KIAA1217: variants seen among roughly 807,000 people sequenced by gnomAD.
KIAA1217 encodes sickle tail protein homolog.
A neutral mutation model predicts 163.9 loss-of-function variants in KIAA1217; 88 were observed. The observed-to-expected ratio is 0.54, with a 90% CI of 0.45 to 0.64. The LOEUF is 0.64. Ranked by LOEUF, KIAA1217 falls within the 30% of genes least tolerant of loss-of-function variation. The pLI is 0.00. For missense variants in KIAA1217, 2,372 were observed against 2,475.0 expected (o/e 0.96, Z 0.88); for synonymous variants, 903 against 923.1 (o/e 0.98, Z 0.39).
intron 5 of KIAA1217, among the ~76,000 whole-genome samples, chr10:24,469,017 G>A (rs887241011): frequency 6.6e-6 from 1 of 152,086 alleles, no homozygotes; most frequent in African/African-American, 2.4e-5. Context: ...TCAAAGAAAT[G>A]TACTCAACTT....
chr10:24,418,306 C>T (rs2058436273), intron 3 of KIAA1217, among the ~76,000 whole-genome samples: 1 of 152,114 alleles, frequency 6.6e-6, no homozygotes, highest in South Asian at 2.1e-4. Context: ...CTGGAAATTC[C>T]TGGGATCCCG....
intron 2 of KIAA1217, among the ~76,000 whole-genome samples, chr10:24,242,697 C>T (rs2073250010): frequency 3.3e-5 from 5 of 152,156 alleles, no homozygotes; most frequent in Admixed American, 3.3e-4. Flanking sequence ...ACTAATTTCA[C>T]TCCCACCAGC....
intron 2 of KIAA1217, among the ~76,000 whole-genome samples, chr10:24,319,948 A>G (rs1414827271): frequency 1.3e-5 from 2 of 152,178 alleles, no homozygotes; most frequent in African/African-American, 4.8e-5. Context: ...GATAACTAAA[A>G]CCCGCATGAA....
intron 1 of KIAA1217, among the ~76,000 whole-genome samples, chr10:23,859,466 T>C (rs555910486): frequency 6.6e-6 from 1 of 152,336 alleles, no homozygotes; most frequent in East Asian, 1.9e-4. Context: ...ATATATTTGG[T>C]GTCATATTTT....
chr10:23,750,672 G>T (rs963082714), intron 1 of KIAA1217, among the ~76,000 whole-genome samples: 6 of 152,102 alleles, frequency 3.9e-5, no homozygotes, highest in African/African-American at 1.4e-4. Context: ...CCAGTGCCCA[G>T]GACCCTGGCT....
chr10:24,515,337 G>A (rs1464312657), intron 10 of KIAA1217, among the ~76,000 whole-genome samples: 1 of 152,056 alleles, frequency 6.6e-6, no homozygotes, highest in Non-Finnish European at 1.5e-5. Context: ...CAAAGTGTTG[G>A]GATTACAGGC....
intron 3 of KIAA1217, among the ~76,000 whole-genome samples, chr10:24,395,401 A>G (rs969693406): frequency 3.9e-5 from 6 of 152,102 alleles, no homozygotes; most frequent in African/African-American, 1.4e-4. Flanking sequence ...TCATTCAAGG[A>G]TTTCCCACAC....
chr10:24,133,893 T>G (rs1342979663), intron 2 of KIAA1217, among the ~76,000 whole-genome samples: 1 of 152,176 alleles, frequency 6.6e-6, no homozygotes, highest in Non-Finnish European at 1.5e-5. Flanking sequence ...CTAGGAGTGG[T>G]CAGAAAATAG....
chr10:23,911,717 A>G (rs896106406), intron 1 of KIAA1217, among the ~76,000 whole-genome samples: 4 of 152,154 alleles, frequency 2.6e-5, no homozygotes, highest in African/African-American at 9.7e-5. Flanking sequence ...CCTTTTTTCA[A>G]GGTTGAATGT....
intron 1 of KIAA1217, among the ~76,000 whole-genome samples, chr10:23,843,914 T>C (rs1472053484): frequency 5.3e-5 from 8 of 152,140 alleles, no homozygotes; most frequent in African/African-American, 1.9e-4. Context: ...TTGATTTAAT[T>C]CTCCATTATT....
chr10:24,176,113 A>C (rs968472224), intron 2 of KIAA1217, among the ~76,000 whole-genome samples: 6 of 152,208 alleles, frequency 3.9e-5, no homozygotes, highest in African/African-American at 1.4e-4. Context: ...TCCATTTCAC[A>C]GAGAGCTGAT....
At chr10:24,527,258 G>A (rs2072335292) in intron 13 of KIAA1217, among the ~76,000 whole-genome samples, 1 of 151,234 alleles carries the variant, frequency 6.6e-6, no homozygotes, top group African/African-American at 2.4e-5. Context: ...AGTGTTGTGG[G>A]TTTTGTTTGT....
intron 1 of KIAA1217, among the ~76,000 whole-genome samples, chr10:23,964,385 A>T (rs905098154): frequency 5.3e-4 from 80 of 150,294 alleles, no homozygotes; most frequent in African/African-American, 2.0e-3. Flanking sequence ...ATTTTCTCCC[A>T]TTCTGTATGT....
rs919793517 is a variant in KIAA1217 at position 24,513,285 on chromosome 10, A to G, written c.2028A>G (p.Ala676=). 1 of 1,614,044 alleles carries G rather than the reference A, an allele frequency of 6.2e-7. No individual in the cohort carries two copies. Among genetic ancestry groups the G allele is most frequent in the African/African-American group, 1.3e-5 (1 of 74,944 alleles). The change falls in exon 10 of 21, where the codon GCA becomes GCG. Residue 676 remains alanine (A), a synonymous_variant. Coordinates refer to ENST00000376454, the MANE Select transcript of KIAA1217 (RefSeq NM_019590.5). The part of the protein sequence containing the change: ...LQLQNQELLR[A]MMKKAELEIS... ...TGCAGAACCAGGAGTTGCTGAGGGC[A>G]ATGATGAAGAAGGCCGAGCTGGAAA...
intron 2 of KIAA1217, among the ~76,000 whole-genome samples, chr10:24,328,296 G>A (rs1335807966): frequency 6.6e-6 from 1 of 152,158 alleles, no homozygotes; most frequent in Non-Finnish European, 1.5e-5. Context: ...AGGTAAGGGA[G>A]GGGAGTTGGT....
Position 24,329,498 on chromosome 10 carries a change from A to G in KIAA1217, c.355-51371A>G, listed in dbSNP as rs926360087. On this transcript the variant is annotated intron_variant, in intron 2 of 20. Transcript: ENST00000376454. ...GTCTTCAAATATAAGTGCATCACTC[A>G]TTGCATGATCCACCCTTTACAGACC... 7.2e-5 allele frequency among the ~76,000 whole-genome samples: 11 copies of G among 152,242 alleles called. No homozygotes were observed. In the East Asian group the frequency reaches 1.9e-3, roughly 27 times the overall value.
intron 1 of KIAA1217, among the ~76,000 whole-genome samples, chr10:23,715,460 T>C (rs1023408157): frequency 4.6e-5 from 7 of 152,200 alleles, no homozygotes; most frequent in Non-Finnish European, 4.4e-5. Context: ...TTAGAATATG[T>C]GATGTAAGTA....
intron 1 of KIAA1217, among the ~76,000 whole-genome samples, chr10:23,925,784 G>A (rs1842996691): frequency 6.6e-6 from 1 of 152,112 alleles, no homozygotes; most frequent in Non-Finnish European, 1.5e-5. Flanking sequence ...GTGGCCTTAA[G>A]CAAGTAAATG....
chr10:24,429,346 G>A (rs1257308585), intron 3 of KIAA1217, among the ~76,000 whole-genome samples: 1 of 152,100 alleles, frequency 6.6e-6, no homozygotes, highest in Non-Finnish European at 1.5e-5. Flanking sequence ...GCGATCTCAT[G>A]TCCTTCAGTT....
Sources: allele counts gnomAD v4.1 joint callset (sites outside exome capture counted in the v4.1 genomes callset), GRCh38; gene constraint gnomAD v4.1.1; transcripts MANE v1.5; gene names NCBI Gene and HGNC (gene_info 2026-07-23, HGNC 2026-07-21).